The following PAG1 variants were observed in gnomAD, a reference collection of about 807,000 sequenced individuals.
PAG1 encodes phosphoprotein associated with glycosphingolipid-enriched microdomains 1.
A neutral mutation model predicts 31.7 loss-of-function variants in PAG1; 23 were observed. The observed-to-expected ratio is 0.73, with a 90% CI of 0.52 to 1.03. PAG1 has a LOEUF of 1.03. Ranked by LOEUF, PAG1 falls within the 50% of genes least tolerant of loss-of-function variation. The pLI, the probability that PAG1 is intolerant of heterozygous loss-of-function variation, is 0.00. For synonymous variants in PAG1, 214 were observed against 210.3 expected (o/e 1.02, Z -0.15); for missense variants, 473 against 540.7 (o/e 0.87, Z 1.24).
chr8:80,981,788 G>A lies in PAG1; in HGVS notation c.877-1294C>T, dbSNP rs79140541. ...ATTCCCAGCCACATGCAAACATGCT[G>A]TTGTTTCTCTCATTCTAAAACCAAA... On this transcript the variant is annotated intron_variant, in intron 7 of 8. Transcript: ENST00000220597. Among the ~76,000 whole-genome samples the A allele has an allele frequency of 9.8e-3, 1,462 of 149,556 alleles. 23 individuals carry two copies. The highest frequency in any genetic ancestry group is 0.034 in the African/African-American group (1,355 of 40,054).
chr8:81,066,170 C>T (rs529656624), intron 2 of PAG1, among the ~76,000 whole-genome samples: 5 of 152,228 alleles, frequency 3.3e-5, no homozygotes, highest in African/African-American at 1.2e-4. Flanking sequence ...TTCTATCCAG[C>T]CTGCTGTTCC....
chr8:80,986,522 G>A (rs1009101094), intron 6 of PAG1, among the ~76,000 whole-genome samples: 1 of 152,186 alleles, frequency 6.6e-6, no homozygotes, highest in Admixed American at 6.5e-5. Flanking sequence ...CTGAGTGCGT[G>A]CCCAGGGATC....
intron 8 of PAG1, 113 bp downstream of exon 8, chr8:80,980,322 C>A (rs1807272776): frequency 3.0e-6 from 2 of 661,838 alleles, no homozygotes; most frequent in African/African-American, 1.8e-5. Flanking sequence ...CAAACATAGG[C>A]ATAGGAGAAT....
At chr8:81,035,336 G>A (rs541027353) in intron 2 of PAG1, among the ~76,000 whole-genome samples, 39 of 152,088 alleles carry the variant, frequency 2.6e-4, no homozygotes, top group Non-Finnish European at 5.6e-4. Context: ...AAGGAGTAAG[G>A]ATTATGGGAG....
chr8:81,057,015 A>G (rs1808835296), intron 2 of PAG1, among the ~76,000 whole-genome samples: 1 of 152,214 alleles, frequency 6.6e-6, no homozygotes, highest in Admixed American at 6.5e-5. Flanking sequence ...CAAAACCACA[A>G]TGAGATACCA....
chr8:81,098,703 A>G (rs1023089613), intron 1 of PAG1, among the ~76,000 whole-genome samples: 3 of 152,214 alleles, frequency 2.0e-5, no homozygotes, highest in Admixed American at 6.5e-5. Context: ...ACAAACCACA[A>G]ACCTAGCTGG....
intron 1 of PAG1, among the ~76,000 whole-genome samples, chr8:81,109,364 G>A (rs1809739855): frequency 6.6e-6 from 1 of 152,200 alleles, no homozygotes; most frequent in African/African-American, 2.4e-5. Flanking sequence ...TTTCAACACA[G>A]ACAGACGTGG....
chr8:81,083,381 A>T (rs950851955), intron 1 of PAG1, among the ~76,000 whole-genome samples: 4 of 152,090 alleles, frequency 2.6e-5, no homozygotes, highest in Non-Finnish European at 5.9e-5. Context: ...CATGGGGTTG[A>T]GGTGGAGGCT....
At chr8:81,038,144 A>G (rs1174478250) in intron 2 of PAG1, among the ~76,000 whole-genome samples, 2 of 152,186 alleles carry the variant, frequency 1.3e-5, no homozygotes, top group Non-Finnish European at 2.9e-5. Context: ...CCCCAGCAGA[A>G]GTTGTGTGAA....
At chr8:81,031,343 C>T (rs1015818899) in intron 2 of PAG1, among the ~76,000 whole-genome samples, 9 of 152,230 alleles carry the variant, frequency 5.9e-5, no homozygotes, top group African/African-American at 2.2e-4. Context: ...ATCTCATCAA[C>T]TAGGAGACAG....
intron 1 of PAG1, among the ~76,000 whole-genome samples, chr8:81,109,520 C>T (rs557735913): frequency 9.0e-4 from 137 of 152,308 alleles, no homozygotes; most frequent in Middle Eastern, 6.8e-3. Flanking sequence ...GTGTCTGTAT[C>T]GCTAGACAGT....
At chr8:81,033,268 T>A (rs1262918553) in intron 2 of PAG1, among the ~76,000 whole-genome samples, 1 of 152,194 alleles carries the variant, frequency 6.6e-6, no homozygotes, top group Non-Finnish European at 1.5e-5. Context: ...ATGGGAGTTG[T>A]TACACTAAGC....
chr8:81,015,898 A>G (rs1215427042), intron 3 of PAG1, among the ~76,000 whole-genome samples: 3 of 152,170 alleles, frequency 2.0e-5, no homozygotes, highest in Non-Finnish European at 4.4e-5. Context: ...CCTTTAGCTC[A>G]TGGAGCTCAT....
chr8:81,092,645 A>C (rs1277734368), intron 1 of PAG1, among the ~76,000 whole-genome samples: 1 of 152,242 alleles, frequency 6.6e-6, no homozygotes, highest in Non-Finnish European at 1.5e-5. Context: ...AAACAGCATT[A>C]CAACTTTTAA....
At chr8:81,109,142 A>G (rs1039456744) in intron 1 of PAG1, among the ~76,000 whole-genome samples, 3 of 152,248 alleles carry the variant, frequency 2.0e-5, no homozygotes, top group Non-Finnish European at 4.4e-5. Flanking sequence ...ATCCACTTCA[A>G]ATTGAAAGAC....
At chr8:80,977,824 CT>C (rs1807215784) in intron 8 of PAG1, among the ~76,000 whole-genome samples, 1 of 152,148 alleles carries the variant, frequency 6.6e-6, no homozygotes, top group Non-Finnish European at 1.5e-5. Flanking sequence ...AATTAGGAGA[CT>C]TTTGGGGAGT....
chr8:81,081,887 A>G (rs1283104730), intron 1 of PAG1, among the ~76,000 whole-genome samples: 5 of 152,236 alleles, frequency 3.3e-5, no homozygotes, highest in African/African-American at 1.2e-4. Context: ...TATAAGCATT[A>G]ATACACAGGT....
intron 3 of PAG1, among the ~76,000 whole-genome samples, chr8:81,011,506 T>A (rs76514930): frequency 1.7e-4 from 26 of 152,320 alleles, no homozygotes; most frequent in African/African-American, 5.8e-4. Context: ...CTTTTTTTTT[T>A]ATAAGTGACC....
At chr8:81,021,128 G>A (rs1194988705) in intron 3 of PAG1, among the ~76,000 whole-genome samples, 1 of 152,202 alleles carries the variant, frequency 6.6e-6, no homozygotes, top group Non-Finnish European at 1.5e-5. Flanking sequence ...GCTGGATTTG[G>A]TCTCCAGCTT....
Sources: allele counts gnomAD v4.1 joint callset (sites outside exome capture counted in the v4.1 genomes callset), GRCh38; gene constraint gnomAD v4.1.1; transcripts MANE v1.5; gene names NCBI Gene and HGNC (gene_info 2026-07-23, HGNC 2026-07-21).